The following CNTNAP2 variants were observed in gnomAD, a reference collection of about 807,000 sequenced individuals.
CNTNAP2 encodes the protein contactin associated protein 2.
A neutral mutation model predicts 155.2 loss-of-function variants in CNTNAP2; 98 were observed. The observed-to-expected ratio is 0.63, with a 90% CI of 0.54 to 0.75. The LOEUF (loss-of-function observed/expected upper bound fraction) is 0.75, where lower values mean the gene tolerates loss of function less well. CNTNAP2 is among the 30% of genes least tolerant of loss of function. The pLI is 0.00. For synonymous variants in CNTNAP2, 651 were observed against 631.2 expected, an observed-to-expected ratio of 1.03 and a Z score of -0.47; for missense variants, 1,727 against 1,688.1, an observed-to-expected ratio of 1.02 and a Z score of -0.40.
At chr7:147,738,240 A>G (rs147472237) in intron 13 of CNTNAP2, among the ~76,000 whole-genome samples, 143 of 152,312 alleles carry the variant, frequency 9.4e-4, no homozygotes, top group East Asian at 5.2e-3. Context: ...GTAACAACGG[A>G]TTAAGAATAT....
chr7:146,368,742 C>T (rs1186393214), intron 1 of CNTNAP2, among the ~76,000 whole-genome samples: 2 of 151,838 alleles, frequency 1.3e-5, no homozygotes, highest in African/African-American at 2.4e-5. Flanking sequence ...TTTATTTGTG[C>T]ACCTCTGCAT....
intron 8 of CNTNAP2, among the ~76,000 whole-genome samples, chr7:147,270,417 A>G (rs914338500): frequency 1.3e-5 from 2 of 152,256 alleles, no homozygotes; most frequent in Non-Finnish European, 2.9e-5. Flanking sequence ...GATATTGGGT[A>G]AAATAGATAC....
At chr7:147,255,803 C>T (rs1804311094) in intron 8 of CNTNAP2, among the ~76,000 whole-genome samples, 1 of 152,120 alleles carries the variant, frequency 6.6e-6, no homozygotes, top group Admixed American at 6.5e-5. Flanking sequence ...GTAGTGCAAT[C>T]TCCAGCTCAC....
At chr7:146,204,607 G>A (rs769836173) in intron 1 of CNTNAP2, among the ~76,000 whole-genome samples, 1 of 151,998 alleles carries the variant, frequency 6.6e-6, no homozygotes, top group African/African-American at 2.4e-5. Flanking sequence ...CATGCCAGTC[G>A]TTTGTTGGTG....
rs562184344 is a variant in CNTNAP2, at chr7:147,071,552, T to G, written c.550+27498T>G. On this transcript the variant is annotated intron_variant, in intron 4 of 23. Coordinates refer to ENST00000361727, the MANE Select transcript of CNTNAP2 (RefSeq NM_014141.6). ...TTTGTAACCCCAGGCCCTAGTATGC[T>G]CTCTGGCACCTAATTATAGCAATCA... 7.6e-4 allele frequency among the ~76,000 whole-genome samples: 115 copies of G among 152,254 alleles called. 3 individuals are homozygous for G. In the South Asian group the frequency reaches 0.023, roughly 30 times the overall value.
rs74816668 is a variant in CNTNAP2 at position 147,815,390 on chromosome 7, G to C, written c.2099-88175G>C. 5.1e-4 allele frequency among the ~76,000 whole-genome samples: 77 copies of C among 152,246 alleles called. 1 individual carries two copies. The East Asian group carries it at 0.011, about 23-fold the overall frequency. ...CAGAATCCAGTTCCATGTGACCATA[G>C]GACTGAAATTCCTATTTCCTTGCTG... On this transcript the variant is annotated intron_variant, in intron 13 of 23. Transcript: ENST00000361727.
At chr7:146,897,267 C>G (rs1795897024) in intron 3 of CNTNAP2, among the ~76,000 whole-genome samples, 1 of 152,048 alleles carries the variant, frequency 6.6e-6, no homozygotes, top group African/African-American at 2.4e-5. Context: ...AGTTGAGGTT[C>G]TCGAATTCAA....
chr7:147,245,379 G>A (rs1307756837), intron 8 of CNTNAP2, among the ~76,000 whole-genome samples: 3 of 152,178 alleles, frequency 2.0e-5, no homozygotes, highest in South Asian at 4.2e-4. Context: ...TCTCTGTGGG[G>A]TAGCAAATAA....
Position 147,485,999 on chromosome 7 carries a change from A to C in CNTNAP2, c.1735A>C (p.Thr579Pro), listed in dbSNP as rs1798503055. ...GCAAACATGGGACAGCTTCAAATGC[A>C]CTTGTGATGAGACAGGATACAGTGG... is the stretch of plus-strand genomic sequence containing the variant. ...CSQTWDSFKC[T>P]CDETGYSGAT... Residue 579 changes from threonine to proline, a missense_variant, in exon 11 of 24, where the codon ACT becomes CCT. Coordinates refer to ENST00000361727, the MANE Select transcript of CNTNAP2 (RefSeq NM_014141.6). 1.2e-6 allele frequency: 2 copies of C among 1,613,922 alleles called. No individual in the cohort carries two copies. The highest frequency in any genetic ancestry group is 1.7e-6 in the Non-Finnish European group (2 of 1,179,970).
chr7:147,614,782 T>TTTTA (rs1801250700), intron 12 of CNTNAP2, among the ~76,000 whole-genome samples: 2 of 66,986 alleles, frequency 3.0e-5, no homozygotes, highest in South Asian at 8.4e-4. Context: ...TTTACTCTTT[T>TTTTA]ACACATATAT....
At chr7:146,744,570 T>C (rs879374594) in intron 1 of CNTNAP2, among the ~76,000 whole-genome samples, 19 of 152,196 alleles carry the variant, frequency 1.2e-4, no homozygotes, top group African/African-American at 3.6e-4. Flanking sequence ...TCTCAATGTC[T>C]GCATTGCTTG....
intron 1 of CNTNAP2, among the ~76,000 whole-genome samples, chr7:146,576,362 T>A (rs1321695770): frequency 6.6e-6 from 1 of 152,136 alleles, no homozygotes; most frequent in East Asian, 1.9e-4. Context: ...GGATATGTGT[T>A]TTATTGGGGT....
At chr7:147,315,707 C>T (rs561432841) in intron 9 of CNTNAP2, among the ~76,000 whole-genome samples, 1 of 152,126 alleles carries the variant, frequency 6.6e-6, no homozygotes, top group South Asian at 2.1e-4. Flanking sequence ...GTCTCGATCT[C>T]CTGACCTCTG....
At chr7:147,462,595 G>A (rs971075489) in intron 10 of CNTNAP2, among the ~76,000 whole-genome samples, 4 of 152,274 alleles carry the variant, frequency 2.6e-5, no homozygotes, top group Admixed American at 6.5e-5. Flanking sequence ...AGCAATTGAC[G>A]TTGGGACATA....
intron 13 of CNTNAP2, among the ~76,000 whole-genome samples, chr7:147,785,786 G>A (rs1797729271): frequency 6.6e-6 from 1 of 152,104 alleles, no homozygotes; most frequent in Non-Finnish European, 1.5e-5. Context: ...GAGGTCAGGA[G>A]TTTGAGACCA....
At chr7:147,959,908 C>T (rs1344863318) in intron 14 of CNTNAP2, among the ~76,000 whole-genome samples, 1 of 152,104 alleles carries the variant, frequency 6.6e-6, no homozygotes, top group East Asian at 1.9e-4. Flanking sequence ...TTTTTTGTTG[C>T]CCCCTTACCA....
Position 146,963,534 on chromosome 7 carries a change from T to C in CNTNAP2, c.403-80373T>C, listed in dbSNP as rs1342544421. Among the ~76,000 whole-genome samples, 3 of 152,202 alleles carry C rather than the reference T, an allele frequency of 2.0e-5. No individual in the cohort carries two copies. The East Asian group carries it at 5.8e-4, about 29-fold the overall frequency. ...ATATATCTCATTTAATAGATTAATATTATATTCCCTTGTAACCTGCTTATT... is the reference window on the plus strand; with the variant it reads ...ATATATCTCATTTAATAGATTAATACTATATTCCCTTGTAACCTGCTTATT... On this transcript the variant is annotated intron_variant, in intron 3 of 23. Transcript: ENST00000361727.
intron 11 of CNTNAP2, among the ~76,000 whole-genome samples, chr7:147,560,474 G>C (rs567871821): frequency 6.6e-6 from 1 of 152,186 alleles, no homozygotes; most frequent in East Asian, 1.9e-4. Context: ...AATTAGAGCA[G>C]CCGTGTAGTT....
chr7:147,869,561 A>G (rs1215639379), intron 13 of CNTNAP2, among the ~76,000 whole-genome samples: 2 of 152,112 alleles, frequency 1.3e-5, no homozygotes, highest in Non-Finnish European at 2.9e-5. Flanking sequence ...AAACAAGTAC[A>G]AGAATAAATG....
Sources: gnomAD v4.1 joint callset for allele counts (sites outside exome capture counted in the v4.1 genomes callset) on GRCh38, gnomAD v4.1.1 for gene constraint, MANE v1.5 for transcripts, NCBI Gene and HGNC (gene_info 2026-07-23, HGNC 2026-07-21) for gene names.